FBLN1: variants seen among roughly 807,000 people sequenced by gnomAD.
The protein encoded by FBLN1 is fibulin 1.
In FBLN1, 34 loss-of-function variants were observed where a neutral mutation model predicts 89.7. That is an observed-to-expected ratio of 0.38 (90% CI 0.29 to 0.50). The LOEUF is 0.50. Among genes scored for constraint, FBLN1 ranks in the 20% least tolerant of loss-of-function variants. The pLI is 0.92. For missense variants in FBLN1, 777 were observed against 988.1 expected (o/e 0.79, Z 2.86); for synonymous variants, 393 against 391.3 (o/e 1.00, Z -0.05).
In FBLN1 at chr22:45,531,379, G is replaced by A. The variant is rs2088405554; in HGVS notation, c.544+55G>A. ...TATTTAAACAAACCCCAAGGGGCCA[G>A]CAAGGTGGCTCAGGCCTGTAATCCT... On this transcript the variant is annotated intron_variant, in intron 5 of 16. Transcript: ENST00000327858. This position sits in a 1 kb window ranked among gnomAD's most constrained non-coding sequence, Gnocchi z 4.9. 1 of 1,494,590 alleles carries A rather than the reference G, an allele frequency of 6.7e-7. No homozygotes were observed. Among genetic ancestry groups the A allele is most frequent in the South Asian group, 1.1e-5 (1 of 88,576 alleles). 92.6% of individuals were successfully genotyped at this position (1,494,590 alleles called of 1,614,324 possible).
intron 10 of FBLN1, among the ~76,000 whole-genome samples, 170 bp from the exon 11 acceptor site, chr22:45,543,231 A>G (rs989579693): frequency 2.0e-5 from 3 of 152,180 alleles, no homozygotes; most frequent in African/African-American, 4.8e-5. Flanking sequence ...ATGCCACTGC[A>G]ATCCAGCCTA....
At chr22:45,554,380 G>A (rs1214688442) in intron 14 of FBLN1, among the ~76,000 whole-genome samples, 4 of 152,176 alleles carry the variant, frequency 2.6e-5, no homozygotes, top group African/African-American at 9.7e-5. Context: ...GGGCATCTCT[G>A]GGGCAGGCCA....
In FBLN1 at chr22:45,557,172, T is replaced by A. The variant is rs9626381; in HGVS notation, c.1697+6557T>A. 0.069 allele frequency among the ~76,000 whole-genome samples: 10,484 copies of A among 152,250 alleles called. 1,221 individuals carry two copies. The highest frequency in any genetic ancestry group is 0.24 in the African/African-American group (9,861 of 41,528). ...AGCATGAGCCCACTGCCACACCTCT[T>A]TAGCAGTAAAGTGAGTGCTTTGGTC... On this transcript the variant is annotated intron_variant, in intron 14 of 16. Transcript: ENST00000327858. This position sits in a 1 kb window ranked among gnomAD's most constrained non-coding sequence, Gnocchi z 4.9.
chr22:45,526,823 C>T (rs1348085701), intron 3 of FBLN1, among the ~76,000 whole-genome samples: 1 of 152,194 alleles, frequency 6.6e-6, no homozygotes, highest in Non-Finnish European at 1.5e-5. Context: ...TCATGACTGC[C>T]CCCGCACCCT....
chr22:45,598,986 G>A (rs1040663087), intron 16 of FBLN1, among the ~76,000 whole-genome samples: 1 of 152,208 alleles, frequency 6.6e-6, no homozygotes, highest in Admixed American at 6.5e-5. Flanking sequence ...GGCTTTGGGT[G>A]CCCTGCAGAG....
intron 14 of FBLN1, chr22:45,558,030 T>C (rs1324922497): frequency 1.4e-6 from 1 of 715,168 alleles, no homozygotes; most frequent in Non-Finnish European, 2.6e-6. Flanking sequence ...TCGTGCAGAA[T>C]GATCTGTGAA....
chr22:45,594,724 G>GGATGGATA (rs1438924622), intron 16 of FBLN1, among the ~76,000 whole-genome samples: 4 of 150,558 alleles, frequency 2.7e-5, no homozygotes, highest in African/African-American at 9.8e-5. Context: ...ATGGATGGAT[G>GGATGGATA]GATGGATAGA....
At chr22:45,525,505 C>A in intron 2 of FBLN1, 38 bp from the exon 3 acceptor site, 1 of 1,547,468 alleles carries the variant, frequency 6.5e-7, no homozygotes, top group Non-Finnish European at 8.7e-7. Flanking sequence ...GGGCCCCCTG[C>A]GCACAGAGCC....
chr22:45,533,267 C>G (rs2146969038), intron 6 of FBLN1, 103 bp downstream of exon 6: 21 of 1,090,614 alleles, frequency 1.9e-5, no homozygotes, highest in Non-Finnish European at 2.9e-5. Context: ...ACCCAGACCC[C>G]ATTCAGGGGT....
At chr22:45,598,302 G>A (rs1001845121) in intron 16 of FBLN1, among the ~76,000 whole-genome samples, 2 of 152,198 alleles carry the variant, frequency 1.3e-5, no homozygotes, top group Admixed American at 6.5e-5. Flanking sequence ...ACGTGGTACC[G>A]GAAATTTGCC....
intron 7 of FBLN1, among the ~76,000 whole-genome samples, chr22:45,534,405 C>A (rs1366385206): frequency 6.6e-6 from 1 of 152,058 alleles, no homozygotes; most frequent in Non-Finnish European, 1.5e-5. Context: ...AAAGCATATC[C>A]CCTTCCACTG....
Position 45,532,657 on chromosome 22 carries a change from T to G in FBLN1, c.545-406T>G, listed in dbSNP as rs1407656091. Reference sequence around the variant, plus strand: ...AGGAACTGAGGCCATGGTAGTGGGCTTGGAGCAGTGGGACAGCTCGAGAGT... The same window carrying G: ...AGGAACTGAGGCCATGGTAGTGGGCGTGGAGCAGTGGGACAGCTCGAGAGT... On this transcript the variant is annotated intron_variant, in intron 5 of 16. Transcript: ENST00000327858. The surrounding 1 kb of genome is among the most constrained non-coding windows in gnomAD (Gnocchi z 4.2). Among the ~76,000 whole-genome samples the G allele has an allele frequency of 6.6e-6, 1 of 152,100 alleles. No individual in the cohort carries two copies. The highest frequency in any genetic ancestry group is 6.5e-5 in the Admixed American group (1 of 15,284).
chr22:45,535,158 C>A (rs757309364), intron 7 of FBLN1, 42 bp from the exon 8 acceptor site: 1 of 1,612,648 alleles, frequency 6.2e-7, no homozygotes, highest in Non-Finnish European at 8.5e-7. Flanking sequence ...ATGCTTCTGG[C>A]AGGACTCTTG....
chr22:45,538,682 C>T (rs558199002), intron 8 of FBLN1, among the ~76,000 whole-genome samples: 6 of 152,162 alleles, frequency 3.9e-5, no homozygotes, highest in African/African-American at 1.4e-4. Flanking sequence ...CCTGGTCCCC[C>T]AGCACGCACC....
At position 45,572,058 on chromosome 22, in the gene FBLN1, G is replaced by A. The variant is rs2088957336; in HGVS notation, c.1698-2453G>A. Among the ~76,000 whole-genome samples the A allele has an allele frequency of 1.3e-5, 2 of 152,124 alleles. No homozygotes were observed. Among genetic ancestry groups the A allele is most frequent in the Non-Finnish European group, 2.9e-5 (2 of 68,036 alleles). ...GCAGGAGAATCACTTGAACCCGGGA[G>A]GTGGAGGTTGCAGTGAGCCGATATC... On this transcript the variant is annotated intron_variant, in intron 14 of 16. Transcript: ENST00000327858. This position sits in a 1 kb window ranked among gnomAD's most constrained non-coding sequence, Gnocchi z 5.8.
chr22:45,542,436 C>G (rs1266397013), intron 10 of FBLN1, among the ~76,000 whole-genome samples, 153 bp downstream of exon 10: 2 of 152,178 alleles, frequency 1.3e-5, no homozygotes, highest in Non-Finnish European at 2.9e-5. Context: ...TCAGGAGACC[C>G]CATTCTAGCC....
rs1159650841 is a variant in FBLN1, at chr22:45,583,443, G to A, written c.1972+6335G>A. On this transcript the variant is annotated intron_variant, in intron 16 of 16. Transcript: ENST00000327858. This position sits in a 1 kb window ranked among gnomAD's most constrained non-coding sequence, Gnocchi z 4.5. The stretch of plus-strand genomic sequence containing the variant: ...TTAGGAAGGAAACGCCCTAATTGGA[G>A]ACTCTGCATCTCATTAATGGAATCA... 6.6e-6 allele frequency among the ~76,000 whole-genome samples: 1 copy of A among 152,230 alleles called. No individual in the cohort carries two copies. Among genetic ancestry groups the A allele is most frequent in the Non-Finnish European group, 1.5e-5 (1 of 68,042 alleles).
In FBLN1 at chr22:45,558,077, G is replaced by C. The variant is rs370901512; in HGVS notation, c.1697+7462G>C. 9.2e-4 allele frequency: 661 copies of C among 716,880 alleles called. 13 individuals carry two copies. In the South Asian group the frequency reaches 9.5e-3, roughly 10 times the overall value. 44.4% of individuals were successfully genotyped at this position (716,880 alleles called of 1,614,324 possible). A position where few individuals can be genotyped will look rare whatever the true frequency, so the allele number is the denominator to read the frequency against. ...TCTTCTCTTCCTCTGTCAGATGATC[G>C]TAGGGAACTCTGCATGAGGCCATCG... On this transcript the variant is annotated intron_variant, in intron 14 of 16. Coordinates refer to ENST00000327858, the MANE Select transcript of FBLN1 (RefSeq NM_006486.3).
intron 4 of FBLN1, among the ~76,000 whole-genome samples, chr22:45,528,436 C>T (rs140843077): frequency 0.014 from 2,138 of 152,174 alleles, 55 homozygotes; most frequent in African/African-American, 0.05. Context: ...CCTCCGCCTC[C>T]CGGGTTCAAG....
Sources: gnomAD v4.1 joint callset for allele counts (sites outside exome capture counted in the v4.1 genomes callset) on GRCh38, gnomAD v4.1.1 for gene constraint, Gnocchi (gnomAD v3.1) non-coding constraint, MANE v1.5 for transcripts, NCBI Gene and HGNC (gene_info 2026-07-23, HGNC 2026-07-21) for gene names.